The following TNFSF13B variants were observed in gnomAD, a reference collection of about 807,000 sequenced individuals.
The protein encoded by TNFSF13B is TNF superfamily member 13b.
In TNFSF13B, 8 loss-of-function variants were observed where a neutral mutation model predicts 29.1. The observed-to-expected ratio is 0.27, with a 90% CI of 0.16 to 0.50. The LOEUF is 0.50. Ranked by LOEUF, TNFSF13B falls within the 20% of genes least tolerant of loss-of-function variation. The pLI is 0.98. For missense variants in TNFSF13B, 248 were observed against 334.9 expected, an observed-to-expected ratio of 0.74 and a Z score of 2.03; for synonymous variants, 125 against 130.8, an observed-to-expected ratio of 0.96 and a Z score of 0.30.
In TNFSF13B at chr13:108,295,782, T is replaced by C. The variant is rs115840769; in HGVS notation, c.482-7471T>C. On this transcript the variant is annotated intron_variant, in intron 3 of 5. Transcript: ENST00000375887. ...TTTCTATTTTCTTCTAGGATTTATT[T>C]ATAGATCAATTTGTTGTTTAAGAAT... Among the ~76,000 whole-genome samples the C allele has an allele frequency of 5.5e-3, 804 of 145,952 alleles. 107 individuals are homozygous for C. Among genetic ancestry groups the C allele is most frequent in the African/African-American group, 0.02 (777 of 38,926 alleles).
chr13:108,283,312 C>CAT (rs1881014197), intron 2 of TNFSF13B, among the ~76,000 whole-genome samples: 3 of 152,238 alleles, frequency 2.0e-5, no homozygotes, highest in Non-Finnish European at 2.9e-5. Context: ...GGCAATTTCA[C>CAT]CATTGTGCAA....
intron 2 of TNFSF13B, among the ~76,000 whole-genome samples, chr13:108,278,216 A>C (rs1880811256): frequency 6.6e-6 from 1 of 152,132 alleles, no homozygotes; most frequent in Non-Finnish European, 1.5e-5. Context: ...TGGGTCTGAC[A>C]AGGCCCAGGG....
At chr13:108,275,524 T>C (rs191326446) in intron 2 of TNFSF13B, among the ~76,000 whole-genome samples, 255 of 152,224 alleles carry the variant, frequency 1.7e-3, no homozygotes, top group Admixed American at 3.9e-3. Flanking sequence ...AATAAAATAA[T>C]AGTAAAAATA....
intron 2 of TNFSF13B, among the ~76,000 whole-genome samples, chr13:108,282,901 C>T (rs1880998369): frequency 6.6e-6 from 1 of 152,086 alleles, no homozygotes; most frequent in African/African-American, 2.4e-5. Flanking sequence ...TAATTCCTTT[C>T]AATTGTAGTA....
At chr13:108,283,497 A>T (rs1881022013) in intron 2 of TNFSF13B, among the ~76,000 whole-genome samples, 1 of 152,182 alleles carries the variant, frequency 6.6e-6, no homozygotes. Context: ...AGAATAGACC[A>T]CTGTTTTTCA....
chr13:108,294,725 A>G (rs1482764283), intron 3 of TNFSF13B, among the ~76,000 whole-genome samples: 1 of 146,990 alleles, frequency 6.8e-6, no homozygotes, highest in Non-Finnish European at 1.5e-5. Context: ...CTCTAGACAT[A>G]CAGAACAAGT....
Position 108,306,821 on chromosome 13 carries a change from C to A in TNFSF13B, c.746-5C>A. The A allele has an allele frequency of 1.3e-6, 2 of 1,563,128 alleles. No homozygotes were observed. The highest frequency in any genetic ancestry group is 8.8e-7 in the Non-Finnish European group (1 of 1,138,420). ...TTATAGTTCTTGTAAATCATTTTTT[C>A]CCAGGCATTGCAAAACTGGAAGAAG... On this transcript the variant is annotated splice_polypyrimidine_tract_variant and splice_region_variant and intron_variant, in intron 5 of 5. Coordinates refer to ENST00000375887, the MANE Select transcript of TNFSF13B (RefSeq NM_006573.5).
At position 108,270,358 on chromosome 13, in the gene TNFSF13B, C is replaced by G; in HGVS notation, c.358C>G (p.Pro120Ala). 1 of 1,614,110 alleles carries G rather than the reference C, an allele frequency of 6.2e-7. No individual in the cohort carries two copies. The highest frequency in any genetic ancestry group is 1.1e-5 in the South Asian group (1 of 91,074). Residue 120 changes from proline (P) to alanine (A), a missense_variant, in exon 2 of 6, where the codon CCA becomes GCA. Pro to Ala is a conservative substitution (Grantham distance 27). Transcript: ENST00000375887. ...TTCATAGATCTTTGAACCACCAGCT[C>G]CAGGAGAAGGCAACTCCAGTCAGAA... ...AGLKIFEPPA[P>A]GEGNSSQNSR...
At chr13:108,279,563 C>T (rs908798532) in intron 2 of TNFSF13B, among the ~76,000 whole-genome samples, 1 of 152,156 alleles carries the variant, frequency 6.6e-6, no homozygotes, top group Non-Finnish European at 1.5e-5. Context: ...ACGCATGAGA[C>T]TGTGAATGTT....
intron 3 of TNFSF13B, among the ~76,000 whole-genome samples, chr13:108,289,520 A>T (rs891685917): frequency 6.0e-5 from 9 of 149,338 alleles, no homozygotes; most frequent in African/African-American, 2.0e-4. Flanking sequence ...GGGAAAAGAT[A>T]ATAATATATT....
At chr13:108,299,959 A>G (rs1192191412) in intron 3 of TNFSF13B, among the ~76,000 whole-genome samples, 1 of 152,216 alleles carries the variant, frequency 6.6e-6, no homozygotes, top group Non-Finnish European at 1.5e-5. Flanking sequence ...ACAATGCACC[A>G]GTGACATTTA....
At chr13:108,274,058 T>G (rs1880693555) in intron 2 of TNFSF13B, among the ~76,000 whole-genome samples, 1 of 152,210 alleles carries the variant, frequency 6.6e-6, no homozygotes, top group Non-Finnish European at 1.5e-5. Context: ...AAATAACATT[T>G]TCTTTTCTCT....
chr13:108,272,701 A>G (rs1880654579), intron 2 of TNFSF13B, among the ~76,000 whole-genome samples: 1 of 151,940 alleles, frequency 6.6e-6, no homozygotes, highest in South Asian at 2.1e-4. Context: ...TTAATTGATT[A>G]TTCTATTTAT....
chr13:108,282,514 G>T (rs1446110520), intron 2 of TNFSF13B, among the ~76,000 whole-genome samples: 1 of 151,992 alleles, frequency 6.6e-6, no homozygotes, highest in Non-Finnish European at 1.5e-5. Flanking sequence ...TTCCCATATG[G>T]TTAGTATTTA....
chr13:108,290,635 G>A (rs772290738), intron 3 of TNFSF13B, among the ~76,000 whole-genome samples: 9 of 150,724 alleles, frequency 6.0e-5, no homozygotes, highest in African/African-American at 1.2e-4. Flanking sequence ...TTTTTCGTTG[G>A]ACTTGGTCAT....
Position 108,285,279 on chromosome 13 carries a change from A to G in TNFSF13B, c.425-1524A>G, listed in dbSNP as rs535449395. ...ATAGTATGTATTTATACAAACTCAA[A>G]CTTATTTAGCTACTGCTATGTTATT... On this transcript the variant is annotated intron_variant, in intron 2 of 5. Coordinates refer to ENST00000375887, the MANE Select transcript of TNFSF13B (RefSeq NM_006573.5). Among the ~76,000 whole-genome samples the G allele has an allele frequency of 3.3e-5, 5 of 152,308 alleles. No homozygotes were observed. In the East Asian group the frequency reaches 9.7e-4, roughly 29 times the overall value.
At position 108,269,811 on chromosome 13, in the gene TNFSF13B, T is replaced by C; in HGVS notation, c.-85T>C. On this transcript the variant is annotated 5_prime_UTR_variant, in exon 1 of 6. Transcript: ENST00000375887. ...CCTGCCATGTAGTGCACGCAGGACA[T>C]CAACAAACACAGATAACAGGAAATG... The C allele has an allele frequency of 7.7e-7, 1 of 1,302,146 alleles. No homozygotes were observed. The highest frequency in any genetic ancestry group is 2.3e-5 in the East Asian group (1 of 43,244). The allele number at this position is 1,302,146 out of a possible 1,614,324, so 80.7% of individuals were successfully genotyped here. A position where few individuals can be genotyped will look rare whatever the true frequency, so the allele number is the denominator to read the frequency against.
intron 2 of TNFSF13B, among the ~76,000 whole-genome samples, chr13:108,286,502 AATG>A (rs1366552036): frequency 2.0e-5 from 3 of 152,144 alleles, no homozygotes; most frequent in Admixed American, 6.6e-5. Flanking sequence ...TTGCAAAACA[AATG>A]ATTAAACTTG....
rs1339966438 is a variant in TNFSF13B, at chr13:108,308,436, C to T, written c.*1498C>T. Reference sequence around the variant, plus strand: ...GTGGTTAATGATTTTTCTGGTGTTGCTGCTAATGTGGATTAACAAATAAAA... The same window carrying T: ...GTGGTTAATGATTTTTCTGGTGTTGTTGCTAATGTGGATTAACAAATAAAA... On this transcript the variant is annotated 3_prime_UTR_variant, in exon 6 of 6. Transcript: ENST00000375887. 2 of 152,040 alleles carry T rather than the reference C, an allele frequency of 1.3e-5. No homozygotes were observed. The highest frequency in any genetic ancestry group is 1.5e-5 in the Non-Finnish European group (1 of 67,988). 9.4% of individuals were successfully genotyped at this position (152,040 alleles called of 1,614,324 possible).
Sources: gnomAD v4.1 joint callset for allele counts (sites outside exome capture counted in the v4.1 genomes callset) on GRCh38, gnomAD v4.1.1 for gene constraint, MANE v1.5 for transcripts, NCBI Gene and HGNC (gene_info 2026-07-23, HGNC 2026-07-21) for gene names.